The following LTF variants were observed in gnomAD, a reference collection of about 807,000 sequenced individuals.
LTF encodes lactotransferrin.
Under a neutral mutation model 87.2 loss-of-function variants are expected in LTF, and 91 were observed. The observed-to-expected ratio is 1.04, with a 90% CI of 0.88 to 1.24. LTF has a LOEUF of 1.24. LTF is among the 50% of genes most tolerant of loss of function. LTF has a pLI of 0.00. For synonymous variants in LTF, 378 were observed against 356.1 expected, an observed-to-expected ratio of 1.06 and a Z score of -0.69; for missense variants, 901 against 904.3, an observed-to-expected ratio of 1.00 and a Z score of 0.05.
chr3:46,464,279 GGAGCACCGCA>G (rs781541093), intron 1 of LTF, among the ~76,000 whole-genome samples: 19 of 152,120 alleles, frequency 1.2e-4, no homozygotes, highest in Non-Finnish European at 2.4e-4. Flanking sequence ...GGTTCCATCA[GGAGCACCGCA>G]CCCCTCCACA....
At chr3:46,441,134 A>T (rs571131038) in intron 14 of LTF, among the ~76,000 whole-genome samples, 1 of 152,046 alleles carries the variant, frequency 6.6e-6, no homozygotes, top group African/African-American at 2.4e-5. Flanking sequence ...CCAGGGAGAC[A>T]TTTGCTACTG....
chr3:46,481,849 C>A (rs1256877591), intron 1 of LTF, among the ~76,000 whole-genome samples: 1 of 152,178 alleles, frequency 6.6e-6, no homozygotes, highest in Non-Finnish European at 1.5e-5. Context: ...GCAGGATATG[C>A]CTAATGACTA....
chr3:46,472,544 G>A (rs1238694207), intron 1 of LTF, among the ~76,000 whole-genome samples: 1 of 151,744 alleles, frequency 6.6e-6, no homozygotes, highest in Non-Finnish European at 1.5e-5. Context: ...GAGAGAGAGA[G>A]AGAGAGAGAG....
intron 4 of LTF, 39 bp from the exon 5 acceptor site, chr3:46,455,481 A>C: frequency 1.9e-6 from 3 of 1,613,188 alleles, no homozygotes; most frequent in Non-Finnish European, 2.5e-6. Flanking sequence ...AGTGTGAGCC[A>C]GCCCTGGTCA....
intron 1 of LTF, among the ~76,000 whole-genome samples, chr3:46,482,700 G>GA (rs1559614915): frequency 1.7e-5 from 2 of 119,506 alleles, no homozygotes; most frequent in African/African-American, 6.9e-5. Flanking sequence ...AGGAAGGAAG[G>GA]AAGGAAAGAA....
intron 14 of LTF, 100 bp from the exon 15 acceptor site, chr3:46,439,580 C>G (rs1002812898): frequency 3.1e-6 from 3 of 980,316 alleles, no homozygotes; most frequent in African/African-American, 1.6e-5. Flanking sequence ...CCCAAATGCA[C>G]ACACTGGGGT....
At chr3:46,468,550 C>A (rs1047436613), upstream of LTF, among the ~76,000 whole-genome samples, 5 of 152,218 alleles carry the variant, frequency 3.3e-5, no homozygotes, top group Non-Finnish European at 7.3e-5. Flanking sequence ...TAGCAGGCAA[C>A]AGTCTCTGGC....
At chr3:46,479,949 G>A (rs927636602) in intron 1 of LTF, among the ~76,000 whole-genome samples, 1 of 152,206 alleles carries the variant, frequency 6.6e-6, no homozygotes, top group Non-Finnish European at 1.5e-5. Context: ...GGGTGTGAAG[G>A]AGAGAGGTGG....
intron 2 of LTF, among the ~76,000 whole-genome samples, chr3:46,457,558 G>A (rs17078868): frequency 0.078 from 11,850 of 152,168 alleles, 1,574 homozygotes; most frequent in African/African-American, 0.27. Flanking sequence ...TCAGAATGGC[G>A]CTGACCGTGA....
intron 1 of LTF, among the ~76,000 whole-genome samples, chr3:46,477,249 T>C (rs1392272622): frequency 6.6e-6 from 1 of 152,268 alleles, no homozygotes; most frequent in Non-Finnish European, 1.5e-5. Context: ...CTTTTTCTCA[T>C]TGGCGGATAG....
chr3:46,458,977 T>C (rs1703010693), intron 2 of LTF, among the ~76,000 whole-genome samples: 1 of 152,258 alleles, frequency 6.6e-6, no homozygotes, highest in South Asian at 2.1e-4. Context: ...CCATTGTATT[T>C]ATAAGATAAT....
chr3:46,443,674 C>A, intron 12 of LTF, 92 bp from the exon 13 acceptor site: 1 of 1,241,308 alleles, frequency 8.1e-7, no homozygotes, highest in South Asian at 1.3e-5. Context: ...GGTTTCAGTT[C>A]ATTAGACTTC....
Position 46,455,977 on chromosome 3 carries a change from C to T in LTF, c.318G>A (p.Gln106=). The T allele has an allele frequency of 1.3e-6, 2 of 1,576,972 alleles. No homozygotes were observed. Among genetic ancestry groups the T allele is most frequent in the Middle Eastern group, 3.4e-4 (2 of 5,904 alleles). Residue 106 remains glutamine, a splice_region_variant and synonymous_variant, in exon 4 of 17, where the codon CAG becomes CAA. Coordinates refer to ENST00000231751, the MANE Select transcript of LTF (RefSeq NM_002343.6). ...CCACGGCATAATAGTGAGTTCGTGGCTCTGCAAAGGGGCAGACAGAATTGA... is the reference window on the plus strand; with the variant it reads ...CCACGGCATAATAGTGAGTTCGTGGTTCTGCAAAGGGGCAGACAGAATTGA... ...VAAEVYGTER[Q]PRTHYYAVAV...
At chr3:46,449,099 C>G in intron 8 of LTF, 82 bp from the exon 9 acceptor site, 1 of 1,336,438 alleles carries the variant, frequency 7.5e-7, no homozygotes, top group South Asian at 1.4e-5. Context: ...GGGTCCTGCC[C>G]AGACTCTCCC....
At chr3:46,470,512 A>C (rs1328747654) in intron 1 of LTF, 1 of 152,310 alleles carries the variant, frequency 6.6e-6, no homozygotes, top group Non-Finnish European at 1.5e-5. Context: ...TAGGAGCCTG[A>C]GATGGGCGAG....
At chr3:46,456,001 G>C in intron 3 of LTF, 23 bp from the exon 4 acceptor site, 2 of 1,542,144 alleles carry the variant, frequency 1.3e-6, no homozygotes, top group Non-Finnish European at 1.7e-6. Flanking sequence ...AGACAGAATT[G>C]AAAGTTCTTA....
chr3:46,473,734 G>C (rs1166767019), intron 1 of LTF, among the ~76,000 whole-genome samples: 2 of 152,066 alleles, frequency 1.3e-5, no homozygotes, highest in African/African-American at 4.8e-5. Flanking sequence ...CCTCCTGTAA[G>C]AACTGTCATG....
At chr3:46,464,746 A>G (rs1355637814) in intron 1 of LTF, 79 bp downstream of exon 1, 2 of 1,532,054 alleles carry the variant, frequency 1.3e-6, no homozygotes, top group African/African-American at 2.7e-5. Context: ...CCAACCGGAC[A>G]CAGGGACCAA....
intron 1 of LTF, among the ~76,000 whole-genome samples, chr3:46,480,987 C>T (rs1333029790): frequency 6.6e-6 from 1 of 152,184 alleles, no homozygotes; most frequent in Non-Finnish European, 1.5e-5. Flanking sequence ...GCCCCAGCCT[C>T]CACCCTCCTC....
Sources: allele counts gnomAD v4.1 joint callset (sites outside exome capture counted in the v4.1 genomes callset), GRCh38; gene constraint gnomAD v4.1.1; transcripts MANE v1.5; gene names NCBI Gene and HGNC (gene_info 2026-07-23, HGNC 2026-07-21).